Variants in TNKS2 observed in about 807,000 individuals in gnomAD.
TNKS2 encodes the protein poly [ADP-ribose] polymerase tankyrase-2.
A neutral mutation model predicts 137.6 loss-of-function variants in TNKS2; 72 were observed. That is an observed-to-expected ratio of 0.52 (90% CI 0.43 to 0.64). The LOEUF is 0.64. TNKS2 is among the 30% of genes least tolerant of loss of function. The pLI, the probability that TNKS2 is intolerant of heterozygous loss-of-function variation, is 0.00. For synonymous variants in TNKS2, 516 were observed against 512.1 expected, an observed-to-expected ratio of 1.01 and a Z score of -0.10; for missense variants, 1,049 against 1,410.2, an observed-to-expected ratio of 0.74 and a Z score of 4.10.
chr10:91,801,459 A>T (rs1351109377), intron 1 of TNKS2, among the ~76,000 whole-genome samples: 1 of 150,464 alleles, frequency 6.6e-6, no homozygotes, highest in Non-Finnish European at 1.5e-5. Context: ...ATACGCAGAT[A>T]TACACAAGAC....
chr10:91,861,928 C>A, intron 25 of TNKS2, 71 bp from the exon 26 acceptor site: 3 of 1,354,686 alleles, frequency 2.2e-6, no homozygotes, highest in Non-Finnish European at 2.0e-6. Flanking sequence ...AAACTTATGC[C>A]GTGTCCACAC....
At chr10:91,809,794 A>G (rs1844441166) in intron 1 of TNKS2, among the ~76,000 whole-genome samples, 2 of 152,140 alleles carry the variant, frequency 1.3e-5, no homozygotes. Context: ...GCAATTGCCA[A>G]GGTGATCTTT....
intron 24 of TNKS2, among the ~76,000 whole-genome samples, chr10:91,858,539 G>T (rs1564631463): frequency 6.6e-6 from 1 of 152,190 alleles, no homozygotes; most frequent in African/African-American, 2.4e-5. Context: ...ATTAGCTGTG[G>T]TTTTTTGACT....
At chr10:91,808,111 C>G (rs1403244625) in intron 1 of TNKS2, among the ~76,000 whole-genome samples, 1 of 151,504 alleles carries the variant, frequency 6.6e-6, no homozygotes, top group East Asian at 1.9e-4. Context: ...AGCTTGCATT[C>G]TAGTGAAGGA....
intron 1 of TNKS2, among the ~76,000 whole-genome samples, chr10:91,800,850 A>C (rs999641934): frequency 6.6e-6 from 1 of 152,164 alleles, no homozygotes; most frequent in Non-Finnish European, 1.5e-5. Flanking sequence ...GCATCCAGCT[A>C]CCTTTTCACT....
chr10:91,802,958 C>T (rs1336515169), intron 1 of TNKS2, among the ~76,000 whole-genome samples: 1 of 152,234 alleles, frequency 6.6e-6, no homozygotes, highest in African/African-American at 2.4e-5. Flanking sequence ...TATACCTTTG[C>T]CCTCAGCGCT....
Position 91,853,650 on chromosome 10 carries a change from A to T in TNKS2, c.2816-1379A>T, listed in dbSNP as rs192329782. ...TCAGTATTGATAAATATCATCTTGT[A>T]TATGTTGCAGATGCCTCAGTCAAGC... is the stretch of plus-strand genomic sequence containing the variant. On this transcript the variant is annotated intron_variant, in intron 21 of 26. Transcript: ENST00000371627. 2.0e-5 allele frequency among the ~76,000 whole-genome samples: 3 copies of T among 152,360 alleles called. No homozygotes were observed. The East Asian group carries it at 5.8e-4, about 29-fold the overall frequency.
At chr10:91,827,448 T>C (rs1231873243) in intron 8 of TNKS2, among the ~76,000 whole-genome samples, 1 of 152,232 alleles carries the variant, frequency 6.6e-6, no homozygotes, top group Non-Finnish European at 1.5e-5. Context: ...GTATTAGACT[T>C]ATTAGATGGT....
intron 1 of TNKS2, chr10:91,807,382 C>T (rs959314102): frequency 5.6e-6 from 9 of 1,613,994 alleles, no homozygotes; most frequent in African/African-American, 5.3e-5. Flanking sequence ...ATAGGGTCAG[C>T]GAGGTAAAGC....
chr10:91,817,679 A>G (rs562515102), intron 3 of TNKS2, among the ~76,000 whole-genome samples: 1 of 152,310 alleles, frequency 6.6e-6, no homozygotes, highest in Admixed American at 6.5e-5. Context: ...GAATGCTTTC[A>G]AAAAACACTG....
chr10:91,832,791 T>A (rs1841855849), intron 11 of TNKS2, among the ~76,000 whole-genome samples: 1 of 152,020 alleles, frequency 6.6e-6, no homozygotes, highest in African/African-American at 2.4e-5. Context: ...GTTGGTGGAG[T>A]CTTACAGGTG....
chr10:91,852,286 A>G (rs1027015104), intron 21 of TNKS2, among the ~76,000 whole-genome samples: 4 of 148,476 alleles, frequency 2.7e-5, no homozygotes, highest in Non-Finnish European at 4.5e-5. Flanking sequence ...GGCTAGGCTC[A>G]GTGGCTCATG....
intron 18 of TNKS2, among the ~76,000 whole-genome samples, chr10:91,847,173 T>C (rs1842399082): frequency 6.6e-6 from 1 of 152,160 alleles, no homozygotes; most frequent in African/African-American, 2.4e-5. Context: ...TGGGAATGCA[T>C]AGACTGGGGG....
rs533576811 is a variant in TNKS2 at position 91,835,899 on chromosome 10, C to T, written c.1448-1020C>T. 1.3e-4 allele frequency among the ~76,000 whole-genome samples: 20 copies of T among 151,638 alleles called. No homozygotes were observed. In the South Asian group the frequency reaches 2.3e-3, roughly 17 times the overall value. ...CTGGGATTACAGGCATGAGCCACCA[C>T]GCCCAGCCAACCATGTCTCTTTTTT... On this transcript the variant is annotated intron_variant, in intron 12 of 26. Coordinates refer to ENST00000371627, the MANE Select transcript of TNKS2 (RefSeq NM_025235.4).
At chr10:91,811,227 G>T (rs1276281573) in intron 1 of TNKS2, among the ~76,000 whole-genome samples, 1 of 151,582 alleles carries the variant, frequency 6.6e-6, no homozygotes, top group African/African-American at 2.4e-5. Flanking sequence ...CCCAGCCCAA[G>T]CATTTATTCT....
rs773234980 is a variant in TNKS2 at position 91,855,590 on chromosome 10, TATTTCAAACCATTTTTCTGACAG to T, written c.2914-21_2915del. ...AATAACACAAATGCTAATGCACATA[TATTTCAAACCATTTTTCTGACAG>T]ATGCAAAGTACAGTTCGAGAGCACA... On this transcript the variant is annotated splice_acceptor_variant and splice_polypyrimidine_tract_variant and intron_variant, in intron 22 of 26. Coordinates refer to ENST00000371627, the MANE Select transcript of TNKS2 (RefSeq NM_025235.4). LOFTEE classifies it high-confidence loss of function. 1.9e-6 allele frequency: 3 copies of T among 1,592,222 alleles called. No individual in the cohort carries two copies.
chr10:91,799,446 G>A (rs1844085686), intron 1 of TNKS2, among the ~76,000 whole-genome samples: 1 of 152,174 alleles, frequency 6.6e-6, no homozygotes, highest in African/African-American at 2.4e-5. Flanking sequence ...ACGGGAAATA[G>A]GCAAGTTTGG....
intron 7 of TNKS2, among the ~76,000 whole-genome samples, chr10:91,825,968 T>C (rs1241742906): frequency 6.6e-6 from 1 of 152,230 alleles, no homozygotes; most frequent in Non-Finnish European, 1.5e-5. Flanking sequence ...CATATGTGCA[T>C]AAAGAAATGT....
chr10:91,839,058 G>A (rs566626277), intron 13 of TNKS2, among the ~76,000 whole-genome samples: 38 of 152,116 alleles, frequency 2.5e-4, no homozygotes, highest in African/African-American at 2.7e-4. Context: ...TAGTAGAGAC[G>A]GTTTCACCAT....
Sources: allele counts gnomAD v4.1 joint callset (sites outside exome capture counted in the v4.1 genomes callset), GRCh38; gene constraint gnomAD v4.1.1; transcripts MANE v1.5; gene names NCBI Gene and HGNC (gene_info 2026-07-23, HGNC 2026-07-21).